The following ADCK1 variants were observed in gnomAD, a reference collection of about 807,000 sequenced individuals.
ADCK1 encodes aarF domain containing kinase 1, also known as aarF domain-containing protein kinase 1.
ADCK1 carries 41 observed loss-of-function variants against 52.3 expected under a neutral mutation model. The observed-to-expected ratio is 0.78, with a 90% CI of 0.61 to 1.02. The LOEUF is 1.02. Ranked by LOEUF, ADCK1 falls within the 50% of genes least tolerant of loss-of-function variation. The probability of loss-of-function intolerance (pLI) is 0.00; values close to 1 mark genes in which losing one functional copy is unlikely to be tolerated. For synonymous variants in ADCK1, 250 were observed against 274.6 expected (o/e 0.91, Z 0.89); for missense variants, 658 against 679.5 (o/e 0.97, Z 0.35).
At chr14:77,828,751 T>C (rs2081774726) in intron 3 of ADCK1, among the ~76,000 whole-genome samples, 1 of 152,138 alleles carries the variant, frequency 6.6e-6, no homozygotes, top group Non-Finnish European at 1.5e-5. Context: ...GGTCACAAAC[T>C]CCTGACCTCA....
intron 3 of ADCK1, among the ~76,000 whole-genome samples, chr14:77,838,700 G>A (rs546324085): frequency 1.3e-5 from 2 of 152,102 alleles, no homozygotes; most frequent in Admixed American, 6.6e-5. Context: ...ACCTGCTCCC[G>A]CTCCAGTTTT....
At chr14:77,886,172 G>A (rs922571935) in intron 4 of ADCK1, among the ~76,000 whole-genome samples, 1 of 152,266 alleles carries the variant, frequency 6.6e-6, no homozygotes. Context: ...CAGGCTGGGA[G>A]TGGACTTGGT....
intron 2 of ADCK1, among the ~76,000 whole-genome samples, chr14:77,820,817 G>A (rs2081566571): frequency 6.6e-6 from 1 of 151,910 alleles, no homozygotes; most frequent in Non-Finnish European, 1.5e-5. Context: ...GGAGTGCAGT[G>A]GTGTGATCTC....
chr14:77,827,821 A>C, intron 3 of ADCK1: 1 of 404,820 alleles, frequency 2.5e-6, no homozygotes, highest in Non-Finnish European at 4.7e-6. Flanking sequence ...TTATTTTTTT[A>C]GTTTTTAAAA....
chr14:77,871,023 C>A (rs184183685), intron 4 of ADCK1, among the ~76,000 whole-genome samples: 1 of 152,356 alleles, frequency 6.6e-6, no homozygotes, highest in African/African-American at 2.4e-5. Context: ...TTTGGAGGAG[C>A]CTCAGGCCTG....
At chr14:77,905,207 G>A (rs1419016477) in intron 6 of ADCK1, among the ~76,000 whole-genome samples, 1 of 151,938 alleles carries the variant, frequency 6.6e-6, no homozygotes, top group Non-Finnish European at 1.5e-5. Context: ...AGACCAAAAA[G>A]GGGGAAACCG....
intron 3 of ADCK1, among the ~76,000 whole-genome samples, chr14:77,852,660 A>AATATATATATAT (rs370053776): frequency 1.5e-3 from 47 of 31,680 alleles, no homozygotes; most frequent in African/African-American, 5.0e-3. Context: ...TAAATAAATA[A>AATATATATATAT]ATATATATAT....
chr14:77,912,433 C>CAT (rs3220469), intron 7 of ADCK1, among the ~76,000 whole-genome samples: 1 of 138,170 alleles, frequency 7.2e-6, no homozygotes, highest in East Asian at 2.2e-4. Context: ...TACGGAGGAG[C>CAT]GTGTGTGTGT....
chr14:77,827,244 C>G (rs973350784), intron 3 of ADCK1, among the ~76,000 whole-genome samples: 1 of 149,162 alleles, frequency 6.7e-6, no homozygotes, highest in Admixed American at 6.8e-5. Flanking sequence ...CCCAGCTACT[C>G]GGGAGGCTGA....
At chr14:77,876,422 A>G (rs537229745) in intron 4 of ADCK1, among the ~76,000 whole-genome samples, 1 of 152,282 alleles carries the variant, frequency 6.6e-6, no homozygotes, top group Admixed American at 6.5e-5. Context: ...GCCCACCTGG[A>G]TAATCCACGT....
chr14:77,905,216 C>T (rs1011432531), intron 6 of ADCK1, among the ~76,000 whole-genome samples: 2 of 151,748 alleles, frequency 1.3e-5, no homozygotes, highest in East Asian at 1.9e-4. Flanking sequence ...AGGGGGAAAC[C>T]GCAGTACACC....
chr14:77,922,708 C>T (rs535193039), intron 7 of ADCK1, among the ~76,000 whole-genome samples: 35 of 152,256 alleles, frequency 2.3e-4, no homozygotes, highest in African/African-American at 6.0e-4. Context: ...AATCTTGGCT[C>T]GACCCTTTTC....
At chr14:77,903,828 A>C (rs1315804841) in intron 6 of ADCK1, among the ~76,000 whole-genome samples, 2 of 152,196 alleles carry the variant, frequency 1.3e-5, no homozygotes, top group South Asian at 2.1e-4. Context: ...ACTTCCCATG[A>C]ATCTCAAAGA....
At chr14:77,892,591 A>G (rs906172296) in intron 5 of ADCK1, among the ~76,000 whole-genome samples, 4 of 151,860 alleles carry the variant, frequency 2.6e-5, no homozygotes, top group African/African-American at 9.7e-5. Flanking sequence ...CACAGCTGCA[A>G]CAGTTCCTGG....
At chr14:77,877,389 G>A (rs980937873) in intron 4 of ADCK1, among the ~76,000 whole-genome samples, 25 of 152,246 alleles carry the variant, frequency 1.6e-4, no homozygotes, top group Non-Finnish European at 2.5e-4. Flanking sequence ...CTTTGTGGAT[G>A]CAGGAACAAC....
At chr14:77,906,180 G>C (rs1483318522) in intron 6 of ADCK1, among the ~76,000 whole-genome samples, 1 of 152,226 alleles carries the variant, frequency 6.6e-6, no homozygotes, top group African/African-American at 2.4e-5. Context: ...TTAGGAACAG[G>C]AAATAGGTCT....
intron 3 of ADCK1, among the ~76,000 whole-genome samples, chr14:77,852,663 A>AAATAAATATATATATATATAT (rs1566667072): frequency 1.1e-5 from 1 of 87,588 alleles, no homozygotes; most frequent in African/African-American, 6.2e-5. Flanking sequence ...ATAAATAAAT[A>AAATAAATATATATATATATAT]TATATATATA....
intron 7 of ADCK1, among the ~76,000 whole-genome samples, chr14:77,908,791 C>T (rs1350548431): frequency 6.6e-6 from 1 of 152,178 alleles, no homozygotes; most frequent in East Asian, 1.9e-4. Context: ...GTCAGACACA[C>T]ATCTAAATCC....
intron 3 of ADCK1, among the ~76,000 whole-genome samples, chr14:77,846,575 T>C (rs2052444): frequency 0.86 from 130,471 of 152,176 alleles, 56,082 homozygotes; most frequent in Middle Eastern, 0.93. Flanking sequence ...TGTGATTCCA[T>C]ATCCTGACTG....
Sources: allele counts gnomAD v4.1 joint callset (sites outside exome capture counted in the v4.1 genomes callset), GRCh38; gene constraint gnomAD v4.1.1; transcripts MANE v1.5; gene names NCBI Gene and HGNC (gene_info 2026-07-23, HGNC 2026-07-21).